UPF3B: variants seen among roughly 807,000 people sequenced by gnomAD.
The protein encoded by UPF3B is regulator of nonsense transcripts 3B.
A neutral mutation model predicts 40.3 loss-of-function variants in UPF3B; 7 were observed. That is an observed-to-expected ratio of 0.17 (90% CI 0.10 to 0.33). The LOEUF is 0.33. Ranked by LOEUF, UPF3B falls within the 10% of genes least tolerant of loss-of-function variation. The pLI is 1.00. For synonymous variants in UPF3B, 117 were observed against 117.3 expected (o/e 1.00, Z 0.01); for missense variants, 229 against 358.9 (o/e 0.64, Z 2.93).
At chrX:119,821,725 A>C (rs1161305286) in intron 4 of UPF3B, among the ~76,000 whole-genome samples, 6 of 109,644 alleles carry the variant, frequency 5.5e-5, no homozygotes, top group Non-Finnish European at 9.5e-5. Flanking sequence ...TTGAACCCGG[A>C]GGGTGGAGGT....
At chrX:119,849,264 C>T (rs2056271517) in intron 3 of UPF3B, among the ~76,000 whole-genome samples, 2 of 110,712 alleles carry the variant, frequency 1.8e-5, no homozygotes, top group Admixed American at 1.9e-4. Flanking sequence ...GAGGCTGAGG[C>T]GGGTGGATTG....
chrX:119,824,308 C>T (rs941614131), intron 3 of UPF3B, among the ~76,000 whole-genome samples: 3 of 98,590 alleles, frequency 3.0e-5, no homozygotes, highest in Non-Finnish European at 6.1e-5. Flanking sequence ...TCAACACAGA[C>T]AAGGACTTAT....
At chrX:119,832,381 C>A (rs1342203482), downstream of UPF3B, among the ~76,000 whole-genome samples, 1 of 111,961 alleles carries the variant, frequency 8.9e-6, no homozygotes, top group Non-Finnish European at 1.9e-5. Context: ...GCCTCAGCCT[C>A]CAGAGTAGCT....
intron 3 of UPF3B, among the ~76,000 whole-genome samples, chrX:119,846,608 C>A: frequency 9.6e-6 from 1 of 103,695 alleles, no homozygotes; most frequent in African/African-American, 3.6e-5. Flanking sequence ...CTCAATAAAG[C>A]TGGGGAAAAA....
intron 3 of UPF3B, among the ~76,000 whole-genome samples, chrX:119,847,142 A>G (rs1202780816): frequency 8.9e-6 from 1 of 112,507 alleles, no homozygotes. Flanking sequence ...GTTGGCAAAG[A>G]TGTGGAGAAA....
At chrX:119,844,914 T>C (rs916442620) in intron 4 of UPF3B, among the ~76,000 whole-genome samples, 39 of 112,491 alleles carry the variant, frequency 3.5e-4, no homozygotes, top group African/African-American at 1.1e-3. Flanking sequence ...TTCCACTATC[T>C]TCTAATCAAT....
intron 4 of UPF3B, among the ~76,000 whole-genome samples, chrX:119,816,346 G>T (rs765590646): frequency 4.5e-5 from 5 of 111,425 alleles, no homozygotes; most frequent in Non-Finnish European, 7.5e-5. Context: ...CTGTGCTACC[G>T]CGACCCTTCT....
At chrX:119,807,387 CT>C in intron 6 of UPF3B, 1 of 872,937 alleles carries the variant, frequency 1.1e-6, no homozygotes. Flanking sequence ...AACGTGTGCT[CT>C]TTGGCTGCCT....
chrX:119,836,778 G>A (rs762681864), intron 10 of UPF3B, among the ~76,000 whole-genome samples: 1 of 107,842 alleles, frequency 9.3e-6, no homozygotes, highest in Non-Finnish European at 1.9e-5. Flanking sequence ...AGCCTCCCGA[G>A]TAGCTGGGAC....
Position 119,845,213 on chromosome X carries a change from C to T in UPF3B, c.454G>A (p.Gly152Arg), listed in dbSNP as rs2056213011. The T allele has an allele frequency of 8.3e-7, 1 of 1,207,189 alleles. No individual in the cohort carries two copies. Among genetic ancestry groups the T allele is most frequent in the Non-Finnish European group, 1.1e-6 (1 of 891,658 alleles). The change falls in exon 4 of 11, where the codon GGG becomes AGG. Residue 152 changes from glycine to arginine, a missense_variant. This residue lies in a region of UPF3B where 87 missense variants were observed against 184.2 expected (regional missense o/e 0.47). Transcript: ENST00000276201. Reference sequence around the variant, plus strand: ...TATACTGTACCATCATCGATAGTCCCGACTTTGGTATCTCTTTTCTTAGTC... The same window carrying T: ...TATACTGTACCATCATCGATAGTCCTGACTTTGGTATCTCTTTTCTTAGTC... ...KKTKKRDTKV[G>R]TIDDDPEYRK...
At position 119,841,278 on chromosome X, in the gene UPF3B, C is replaced by A; in HGVS notation, c.625-20G>T. 8.3e-7 allele frequency: 1 copy of A among 1,202,084 alleles called. No individual in the cohort carries two copies. Among genetic ancestry groups the A allele is most frequent in the South Asian group, 1.8e-5 (1 of 56,688 alleles). On this transcript the variant is annotated intron_variant, in intron 6 of 10. Coordinates refer to ENST00000276201, the MANE Select transcript of UPF3B (RefSeq NM_080632.3). ...CATTCTCTAGAAAGAAACATCAACA[C>A]AAGCCTTCAAATAAAATAATCATCA...
At chrX:119,816,297 G>A (rs949497057) in intron 4 of UPF3B, among the ~76,000 whole-genome samples, 2 of 111,311 alleles carry the variant, frequency 1.8e-5, no homozygotes, top group Non-Finnish European at 3.8e-5. Context: ...TTTCTCCAGC[G>A]ACACTTGCAG....
At position 119,840,537 on chromosome X, in the gene UPF3B, G is replaced by C; in HGVS notation, c.846+109C>G. On this transcript the variant is annotated intron_variant, in intron 8 of 10. Transcript: ENST00000276201. The stretch of plus-strand genomic sequence containing the variant: ...AAGAAGACTCAAGTCAACCTGAAGG[G>C]GTTTTCAACAAGTAACACTACCACC... The C allele has an allele frequency of 6.1e-6, 4 of 650,726 alleles. No homozygotes were observed. In the South Asian group the frequency reaches 1.2e-4, roughly 19 times the overall value. The allele number at this position is 650,726 out of a possible 1,213,427, so 53.6% of individuals were successfully genotyped here. A position where few individuals can be genotyped will look rare whatever the true frequency, so the allele number is the denominator to read the frequency against.
At position 119,834,201 on chromosome X, in the gene UPF3B, T is replaced by G; in HGVS notation, c.*677A>C. The G allele has an allele frequency of 1.3e-6, 1 of 755,216 alleles. No individual in the cohort carries two copies. The highest frequency in any genetic ancestry group is 1.6e-6 in the Non-Finnish European group (1 of 639,794). The allele number at this position is 755,216 out of a possible 1,213,427, so 62.2% of individuals were successfully genotyped here. ...GTCAAGAGTCAAACAAGGACTACAT[T>G]TTACCTCTTAATAGAAAAGATGCTG... is the stretch of plus-strand genomic sequence containing the variant. On this transcript the variant is annotated 3_prime_UTR_variant, in exon 11 of 11. Coordinates refer to ENST00000276201, the MANE Select transcript of UPF3B (RefSeq NM_080632.3).
At chrX:119,838,230 G>A in intron 9 of UPF3B, 137 bp downstream of exon 9, 1 of 902,462 alleles carries the variant, frequency 1.1e-6, no homozygotes. Context: ...TAAGATACAA[G>A]AATATTCTGA....
chrX:119,849,079 T>C (rs1008200147), intron 3 of UPF3B, among the ~76,000 whole-genome samples: 2 of 112,070 alleles, frequency 1.8e-5, no homozygotes, highest in Non-Finnish European at 3.8e-5. Flanking sequence ...ATCATTGGCA[T>C]GTAGACATAA....
chrX:119,808,557 AGG>A (rs1374652426), intron 5 of UPF3B, among the ~76,000 whole-genome samples: 1 of 100,654 alleles, frequency 9.9e-6, no homozygotes, highest in Non-Finnish European at 2.0e-5. Flanking sequence ...CCTTGACCCC[AGG>A]GCCGGGCACA....
In UPF3B at chrX:119,808,951, A is replaced by C. The variant is rs140738654; in HGVS notation, c.603-1370T>G. Among the ~76,000 whole-genome samples, 760 of 112,441 alleles carry C rather than the reference A, an allele frequency of 6.8e-3. 14 individuals are homozygous for C. The East Asian group carries it at 0.079, about 12-fold the overall frequency. ...TTTCTCATATTTAAAATAATGCTTC[A>C]TTAACACCATTAACCTATGTATCTC... On this transcript the variant is annotated intron_variant, in intron 5 of 6. Coordinates refer to the UPF3B transcript ENST00000636792.
chrX:119,850,064 G>C (rs1005282346), intron 3 of UPF3B, among the ~76,000 whole-genome samples: 1 of 102,522 alleles, frequency 9.8e-6, no homozygotes, highest in Non-Finnish European at 1.9e-5. Context: ...CTGAGGTGGG[G>C]GGGGGGAAAT....
Sources: allele counts gnomAD v4.1 joint callset (sites outside exome capture counted in the v4.1 genomes callset), GRCh38; gene constraint gnomAD v4.1.1; regional missense constraint gnomAD v4.1.1; transcripts MANE v1.5; gene names NCBI Gene and HGNC (gene_info 2026-07-23, HGNC 2026-07-21).